Variants in ESR1 observed in about 807,000 individuals in gnomAD.
The protein encoded by ESR1 is estrogen receptor 1, also known as estrogen receptor.
ESR1 carries 12 observed loss-of-function variants against 52.7 expected under a neutral mutation model. That is an observed-to-expected ratio of 0.23 (90% confidence interval 0.15 to 0.37). The LOEUF (loss-of-function observed/expected upper bound fraction) is 0.37. Ranked by LOEUF, ESR1 falls within the 10% of genes least tolerant of loss-of-function variation. The pLI, the probability that ESR1 is intolerant of heterozygous loss-of-function variation, is 1.00. For synonymous variants in ESR1, 305 were observed against 316.8 expected (o/e 0.96, Z 0.39); for missense variants, 584 against 779.7 (o/e 0.75, Z 2.99).
chr6:151,844,286 T>C (rs925878677), intron 2 of ESR1, among the ~76,000 whole-genome samples: 10 of 152,166 alleles, frequency 6.6e-5, no homozygotes, highest in Non-Finnish European at 1.5e-4. Flanking sequence ...TTTTGACAAC[T>C]CTCTTAATTT....
intron 4 of ESR1, among the ~76,000 whole-genome samples, chr6:151,970,526 C>T (rs2038798734): frequency 6.6e-6 from 1 of 152,114 alleles, no homozygotes; most frequent in African/African-American, 2.4e-5. Context: ...CCTTTGGGGA[C>T]AGATCTCAGT....
chr6:152,054,247 C>T (rs781780747), intron 5 of ESR1, among the ~76,000 whole-genome samples: 1 of 152,102 alleles, frequency 6.6e-6, no homozygotes, highest in Non-Finnish European at 1.5e-5. Flanking sequence ...AGACAAACCT[C>T]TGAATTTCCC....
At chr6:152,028,438 T>C (rs1397578103) in intron 5 of ESR1, among the ~76,000 whole-genome samples, 1 of 152,082 alleles carries the variant, frequency 6.6e-6, no homozygotes, top group Non-Finnish European at 1.5e-5. Flanking sequence ...ATCGGGTCAC[T>C]CCCACCCTAA....
intron 2 of ESR1, among the ~76,000 whole-genome samples, chr6:151,868,651 A>G (rs1790394164): frequency 6.6e-6 from 1 of 151,946 alleles, no homozygotes; most frequent in Non-Finnish European, 1.5e-5. Flanking sequence ...ATTCTTTTTT[A>G]TGGCTGTGTA....
intron 1 of ESR1, among the ~76,000 whole-genome samples, chr6:151,676,233 C>G (rs999445118): frequency 6.6e-6 from 1 of 152,118 alleles, no homozygotes; most frequent in African/African-American, 2.4e-5. Context: ...AGTACCTTCC[C>G]AACTCGGTGA....
chr6:151,984,562 T>A (rs895562192), intron 4 of ESR1, among the ~76,000 whole-genome samples: 1 of 152,148 alleles, frequency 6.6e-6, no homozygotes, highest in Admixed American at 6.5e-5. Flanking sequence ...TGTGTCTGAG[T>A]AGACAGTCCA....
chr6:151,867,334 C>T (rs1284921260), intron 2 of ESR1, among the ~76,000 whole-genome samples: 4 of 151,920 alleles, frequency 2.6e-5, no homozygotes, highest in Non-Finnish European at 4.4e-5. Flanking sequence ...AGGCAACCTA[C>T]AGAATGGGAG....
At chr6:151,908,151 T>C (rs1476533813) in intron 3 of ESR1, among the ~76,000 whole-genome samples, 1 of 152,126 alleles carries the variant, frequency 6.6e-6, no homozygotes, top group African/African-American at 2.4e-5. Flanking sequence ...ATGAATAAAA[T>C]AAAAAACTTT....
At chr6:151,852,316 T>C (rs996540587) in intron 2 of ESR1, among the ~76,000 whole-genome samples, 2 of 152,198 alleles carry the variant, frequency 1.3e-5, no homozygotes, top group South Asian at 4.1e-4. Flanking sequence ...ATGAAAAGAA[T>C]GGTCTGAATA....
chr6:151,680,471 TG>T (rs796777616), intron 1 of ESR1, among the ~76,000 whole-genome samples: 2 of 152,256 alleles, frequency 1.3e-5, no homozygotes, highest in African/African-American at 4.8e-5. Context: ...CCCAAAATGC[TG>T]GGGGGTCGTG....
Position 152,098,006 on chromosome 6 carries a change from G to T in ESR1, c.1554-726G>T, listed in dbSNP as rs774323933. On this transcript the variant is annotated intron_variant, in intron 7 of 7. Transcript: ENST00000206249. The surrounding 1 kb of genome is among the most constrained non-coding windows in gnomAD (Gnocchi z 5.1). ...CTTGAGGCTGCTGCCACTGGGTAGC[G>T]GTAGGCCTTTCCGAGGAGGCGGCAT... 1.4e-3 allele frequency among the ~76,000 whole-genome samples: 211 copies of T among 152,202 alleles called. 1 individual carries two copies. The highest frequency in any genetic ancestry group is 2.6e-3 in the Non-Finnish European group (179 of 68,032).
At chr6:151,753,586 G>C (rs1337287080) in intron 2 of ESR1, among the ~76,000 whole-genome samples, 1 of 152,120 alleles carries the variant, frequency 6.6e-6, no homozygotes, top group Admixed American at 6.5e-5. Flanking sequence ...CCAAAGTGCT[G>C]GGATTACAGG....
chr6:151,936,154 T>C (rs1038498144), intron 3 of ESR1: 8 of 152,170 alleles, frequency 5.3e-5, no homozygotes, highest in Admixed American at 3.9e-4. Flanking sequence ...CTCCCAGTCA[T>C]TGTAATCTGT....
intron 2 of ESR1, among the ~76,000 whole-genome samples, chr6:151,862,534 T>A (rs1789070189): frequency 6.6e-6 from 1 of 152,178 alleles, no homozygotes; most frequent in Non-Finnish European, 1.5e-5. Context: ...CGTCCTCTTA[T>A]TTGGAGAGGA....
At chr6:151,660,245 A>G (rs75708701) in intron 1 of ESR1, among the ~76,000 whole-genome samples, 2,767 of 152,302 alleles carry the variant, frequency 0.018, 70 homozygotes, top group African/African-American at 0.056. Flanking sequence ...GAAAAGGTAC[A>G]GTTGTGTTCC....
chr6:152,107,526 A>G (rs1296441160), downstream of ESR1, among the ~76,000 whole-genome samples: 1 of 152,210 alleles, frequency 6.6e-6, no homozygotes, highest in Admixed American at 6.5e-5. Flanking sequence ...TTCTTTAAAC[A>G]TGGTTTCCTT....
At chr6:152,106,800 C>A (rs2051072357), downstream of ESR1, among the ~76,000 whole-genome samples, 1 of 152,030 alleles carries the variant, frequency 6.6e-6, no homozygotes, top group Admixed American at 6.6e-5. Context: ...GAGATGAGGT[C>A]TCATTATGTT....
At chr6:151,674,431 T>C (rs1356531595) in intron 1 of ESR1, among the ~76,000 whole-genome samples, 1 of 152,236 alleles carries the variant, frequency 6.6e-6, no homozygotes, top group Non-Finnish European at 1.5e-5. Flanking sequence ...CAGTCTATCA[T>C]TGATGGGCAT....
At chr6:151,696,750 C>G (rs1582922303) in intron 1 of ESR1, among the ~76,000 whole-genome samples, 1 of 152,132 alleles carries the variant, frequency 6.6e-6, no homozygotes. Context: ...ATAACATCAA[C>G]TAATACAATT....
Sources: gnomAD v4.1 joint callset for allele counts (sites outside exome capture counted in the v4.1 genomes callset) on GRCh38, gnomAD v4.1.1 for gene constraint, Gnocchi (gnomAD v3.1) non-coding constraint, MANE v1.5 for transcripts, NCBI Gene and HGNC (gene_info 2026-07-23, HGNC 2026-07-21) for gene names.